TRDMT1: variants seen among roughly 807,000 people sequenced by gnomAD.
TRDMT1 encodes the protein tRNA aspartic acid methyltransferase 1, also known as tRNA (cytosine(38)-C(5))-methyltransferase.
TRDMT1 carries 49 observed loss-of-function variants against 51.2 expected under a neutral mutation model. The ratio of observed to expected loss-of-function variants is 0.96; its 90% CI spans 0.76 to 1.21. The LOEUF (loss-of-function observed/expected upper bound fraction) is 1.21, where lower values mean the gene tolerates loss of function less well. Among genes scored for constraint, TRDMT1 ranks in the 50% most tolerant of loss-of-function variants. The pLI, the probability that TRDMT1 is intolerant of heterozygous loss-of-function variation, is 0.00. For synonymous variants in TRDMT1, 187 were observed against 164.6 expected (o/e 1.14, Z -1.04); for missense variants, 534 against 462.3 (o/e 1.16, Z -1.42).
At chr10:17,162,920 CTA>C (rs781689131) in intron 3 of TRDMT1, among the ~76,000 whole-genome samples, 5 of 152,196 alleles carry the variant, frequency 3.3e-5, no homozygotes, top group Admixed American at 1.3e-4. Context: ...CTTAAAATCA[CTA>C]TGTTTAGGAA....
rs1342470779 is a variant in TRDMT1, at chr10:17,200,922, C to T, written c.64+649G>A. On this transcript the variant is annotated intron_variant, in intron 1 of 10. Coordinates refer to ENST00000377799, the MANE Select transcript of TRDMT1 (RefSeq NM_004412.7). ...TTATAATAATCATTCTCTTTTAAAA[C>T]CAGGAAACAGGTTCATCACTGTTCA... Among the ~76,000 whole-genome samples, 4 of 152,112 alleles carry T rather than the reference C, an allele frequency of 2.6e-5. No individual in the cohort carries two copies. The South Asian group carries it at 6.2e-4, about 24-fold the overall frequency.
rs745653840 is a variant in TRDMT1, at chr10:17,157,701, G to T, written c.627C>A (p.Asn209Lys). ...MDVENKIQEK[N>K]VEPNISFDGS... is the part of the protein sequence containing the mutation. ...CATCAAAGCTAATATTTGGTTCAAC[G>T]TTCTTTTCTTGAATTTTATTTTCTA... The change falls in exon 8 of 11, where the codon AAC becomes AAA. Residue 209 changes from asparagine (N) to lysine (K), a missense_variant. Asn to Lys is a moderately conservative substitution (Grantham distance 94, BLOSUM62 0). Transcript: ENST00000377799. 6.2e-7 allele frequency: 1 copy of T among 1,612,112 alleles called. No individual in the cohort carries two copies. Among genetic ancestry groups the T allele is most frequent in the Admixed American group, 1.7e-5 (1 of 59,858 alleles).
intron 1 of TRDMT1, among the ~76,000 whole-genome samples, chr10:17,198,699 A>G (rs1305444371): frequency 2.0e-5 from 3 of 152,238 alleles, no homozygotes; most frequent in Admixed American, 6.5e-5. Flanking sequence ...TGAGATGATT[A>G]AAAAGTTTTA....
intron 1 of TRDMT1, among the ~76,000 whole-genome samples, chr10:17,177,815 G>T (rs1176502676): frequency 6.6e-6 from 1 of 151,664 alleles, no homozygotes; most frequent in African/African-American, 2.4e-5. Flanking sequence ...CTGTAGGGAA[G>T]AACTTTTTGT....
In TRDMT1 at chr10:17,138,897, A is replaced by G. The variant is rs1209117207; in HGVS notation, c.*10143T>C. On this transcript the variant is annotated 3_prime_UTR_variant, in exon 11 of 11. Transcript: ENST00000377799. Reference sequence around the variant, plus strand: ...AGGGGTGTTCGTGGCACATGTATACACACGTGTGCACACACAGCTTCCTAA... The same window carrying G: ...AGGGGTGTTCGTGGCACATGTATACGCACGTGTGCACACACAGCTTCCTAA... Among the ~76,000 whole-genome samples, 1 of 152,208 alleles carries G rather than the reference A, an allele frequency of 6.6e-6. No homozygotes were observed. Among genetic ancestry groups the G allele is most frequent in the Non-Finnish European group, 1.5e-5 (1 of 68,038 alleles).
chr10:17,177,180 TTTTA>T (rs60893968), intron 1 of TRDMT1, among the ~76,000 whole-genome samples: 3,128 of 141,528 alleles, frequency 0.022, 55 homozygotes, highest in Non-Finnish European at 0.033. Context: ...AACACATTTA[TTTTA>T]TTTATTTATT....
At chr10:17,154,590 G>T in intron 9 of TRDMT1, 87 bp downstream of exon 9, 1 of 894,516 alleles carries the variant, frequency 1.1e-6, no homozygotes, top group Non-Finnish European at 1.6e-6. Context: ...CCAGTTGAAT[G>T]CATAAAATTA....
intron 1 of TRDMT1, among the ~76,000 whole-genome samples, chr10:17,194,759 C>G (rs897207021): frequency 6.6e-6 from 1 of 151,836 alleles, no homozygotes; most frequent in African/African-American, 2.4e-5. Context: ...ATGGTGAAAC[C>G]CTGTCTCTAC....
At chr10:17,191,016 T>C (rs953733000) in intron 1 of TRDMT1, among the ~76,000 whole-genome samples, 7 of 152,026 alleles carry the variant, frequency 4.6e-5, no homozygotes, top group Non-Finnish European at 1.0e-4. Context: ...CTGGAAGAGA[T>C]GAGGGGATGG....
intron 1 of TRDMT1, among the ~76,000 whole-genome samples, chr10:17,197,203 G>A (rs180992479): frequency 2.0e-5 from 3 of 152,178 alleles, no homozygotes; most frequent in Non-Finnish European, 4.4e-5. Flanking sequence ...AAAAGAATCT[G>A]GGCTAAATAA....
intron 1 of TRDMT1, among the ~76,000 whole-genome samples, chr10:17,178,112 T>G (rs1588621310): frequency 6.6e-6 from 1 of 152,212 alleles, no homozygotes; most frequent in Non-Finnish European, 1.5e-5. Flanking sequence ...TTATTATTTA[T>G]TTTCTAATCT....
chr10:17,176,050 T>G (rs1199991143), intron 1 of TRDMT1, among the ~76,000 whole-genome samples: 3 of 152,222 alleles, frequency 2.0e-5, no homozygotes, highest in Non-Finnish European at 4.4e-5. Flanking sequence ...AAATTGTATC[T>G]GTTAAAGCCA....
In TRDMT1 at chr10:17,145,028, T is replaced by C; in HGVS notation, c.*4012A>G. The C allele has an allele frequency of 1.1e-6, 1 of 948,152 alleles. No individual in the cohort carries two copies. The highest frequency in any genetic ancestry group is 1.3e-6 in the Non-Finnish European group (1 of 796,104). 58.7% of individuals were successfully genotyped at this position (948,152 alleles called of 1,614,324 possible). Reference sequence around the variant, plus strand: ...CTTAGGGAAGCCAAGGTGGGTGGATTAACTTGAGGTCAGGTGTTCGAGACC... The same window carrying C: ...CTTAGGGAAGCCAAGGTGGGTGGATCAACTTGAGGTCAGGTGTTCGAGACC... On this transcript the variant is annotated 3_prime_UTR_variant, in exon 11 of 11. Coordinates refer to ENST00000377799, the MANE Select transcript of TRDMT1 (RefSeq NM_004412.7).
intron 1 of TRDMT1, among the ~76,000 whole-genome samples, chr10:17,195,219 C>T (rs1408840247): frequency 2.6e-5 from 4 of 152,158 alleles, no homozygotes; most frequent in Admixed American, 6.5e-5. Flanking sequence ...CCATCAATGG[C>T]GGACTGAATT....
rs182785754 is a variant in TRDMT1, at chr10:17,162,999, G to A, written c.252-762C>T. ...CCCTTGGTGATGTAACCAGAGTTCAGAGGAACGAACTGCTGAATGGAGTAG... is the reference window on the plus strand; with the variant it reads ...CCCTTGGTGATGTAACCAGAGTTCAAAGGAACGAACTGCTGAATGGAGTAG... On this transcript the variant is annotated intron_variant, in intron 3 of 10. Coordinates refer to ENST00000377799, the MANE Select transcript of TRDMT1 (RefSeq NM_004412.7). 2.0e-5 allele frequency among the ~76,000 whole-genome samples: 3 copies of A among 152,244 alleles called. No homozygotes were observed. The East Asian group carries it at 5.8e-4, about 29-fold the overall frequency.
rs187909388 is a variant in TRDMT1, at chr10:17,168,120, T to C, written c.251+721A>G. On this transcript the variant is annotated intron_variant, in intron 3 of 10. Coordinates refer to ENST00000377799, the MANE Select transcript of TRDMT1 (RefSeq NM_004412.7). ...GGCTTTTAGGCCAGCCGTGGCAACA[T>C]AGTGAGACGCCATCTCTACCAAAAA... Among the ~76,000 whole-genome samples the C allele has an allele frequency of 9.5e-3, 1,448 of 152,072 alleles. 15 individuals are homozygous for C. The highest frequency in any genetic ancestry group is 0.028 in the South Asian group (135 of 4,822).
intron 1 of TRDMT1, among the ~76,000 whole-genome samples, chr10:17,197,793 G>A (rs1845648946): frequency 6.6e-6 from 1 of 152,190 alleles, no homozygotes; most frequent in Non-Finnish European, 1.5e-5. Flanking sequence ...AACACTTTGG[G>A]AGGCCAAGGT....
At chr10:17,151,960 T>C (rs1012273218) in intron 10 of TRDMT1, 1 of 1,260,778 alleles carries the variant, frequency 7.9e-7, no homozygotes, top group African/African-American at 1.6e-5. Flanking sequence ...CTGGGCTCTG[T>C]GCTCCTTACC....
intron 1 of TRDMT1, among the ~76,000 whole-genome samples, chr10:17,200,728 T>G (rs1013562799): frequency 1.3e-5 from 2 of 151,840 alleles, no homozygotes. Flanking sequence ...CAGTTCCAAC[T>G]CAGCATGAAA....
Sources: allele counts gnomAD v4.1 joint callset (sites outside exome capture counted in the v4.1 genomes callset), GRCh38; gene constraint gnomAD v4.1.1; transcripts MANE v1.5; gene names NCBI Gene and HGNC (gene_info 2026-07-23, HGNC 2026-07-21).